ZBTB7C: variants seen among roughly 807,000 people sequenced by gnomAD.
ZBTB7C encodes the protein zinc finger and BTB domain-containing protein 7C.
Under a neutral mutation model 25.7 loss-of-function variants are expected in ZBTB7C, and 8 were observed. The ratio of observed to expected loss-of-function variants is 0.31; its 90% confidence interval spans 0.18 to 0.56. The LOEUF is 0.56. Among genes scored for constraint, ZBTB7C ranks in the 20% least tolerant of loss-of-function variants. The probability of loss-of-function intolerance (pLI) is 0.91; values close to 1 mark genes in which losing one functional copy is unlikely to be tolerated. For synonymous variants in ZBTB7C, 394 were observed against 369.0 expected, an observed-to-expected ratio of 1.07 and a Z score of -0.78; for missense variants, 824 against 855.2, an observed-to-expected ratio of 0.96 and a Z score of 0.46.
chr18:48,324,944 C>T (rs1453924581), intron 2 of ZBTB7C, among the ~76,000 whole-genome samples: 3 of 152,100 alleles, frequency 2.0e-5, no homozygotes, highest in Non-Finnish European at 2.9e-5. Flanking sequence ...GGATGTGATG[C>T]GAGAGGGTGC....
intron 2 of ZBTB7C, among the ~76,000 whole-genome samples, chr18:48,197,173 G>A (rs957698230): frequency 1.4e-4 from 22 of 152,276 alleles, no homozygotes; most frequent in Middle Eastern, 3.4e-3. Context: ...ACCATAAGAA[G>A]TCCAGTGAGC....
At chr18:48,342,495 C>A (rs1263393921) in intron 1 of ZBTB7C, among the ~76,000 whole-genome samples, 1 of 152,184 alleles carries the variant, frequency 6.6e-6, no homozygotes, top group Non-Finnish European at 1.5e-5. Flanking sequence ...ATCGCCCGAA[C>A]CCCTCCCTGG....
chr18:48,142,477 G>A (rs1427255325), intron 3 of ZBTB7C, among the ~76,000 whole-genome samples: 1 of 152,226 alleles, frequency 6.6e-6, no homozygotes, highest in Non-Finnish European at 1.5e-5. Flanking sequence ...AGGACTCCTA[G>A]CCTGGCTGGC....
chr18:48,069,064 AG>A (rs1310458121), intron 3 of ZBTB7C, among the ~76,000 whole-genome samples: 1 of 152,128 alleles, frequency 6.6e-6, no homozygotes, highest in East Asian at 1.9e-4. Flanking sequence ...CTGCTCCTGG[AG>A]GGTATGTGTG....
chr18:48,054,711 A>C (rs1191624085), intron 3 of ZBTB7C, among the ~76,000 whole-genome samples: 1 of 152,156 alleles, frequency 6.6e-6, no homozygotes, highest in African/African-American at 2.4e-5. Context: ...GGAAGCTTGC[A>C]ATTTCCAGGC....
intron 2 of ZBTB7C, among the ~76,000 whole-genome samples, chr18:48,305,553 C>A (rs1297576393): frequency 6.6e-6 from 1 of 152,146 alleles, no homozygotes; most frequent in Admixed American, 6.6e-5. Flanking sequence ...GGAGGTGATA[C>A]CCCTCCTGGG....
At chr18:48,382,961 T>A (rs553441895) in intron 1 of ZBTB7C, among the ~76,000 whole-genome samples, 4 of 152,350 alleles carry the variant, frequency 2.6e-5, no homozygotes, top group East Asian at 3.9e-4. Context: ...AACATTTTGA[T>A]TGTTGAGTAA....
At chr18:48,227,019 CAAAAAAAAA>C (rs1187830776) in intron 2 of ZBTB7C, among the ~76,000 whole-genome samples, 1 of 56,122 alleles carries the variant, frequency 1.8e-5, no homozygotes, top group Non-Finnish European at 3.7e-5. Flanking sequence ...GACTCCATCT[CAAAAAAAAA>C]AAAAAAAAAA....
At chr18:48,165,971 G>A (rs2041232105) in intron 3 of ZBTB7C, among the ~76,000 whole-genome samples, 1 of 152,186 alleles carries the variant, frequency 6.6e-6, no homozygotes, top group South Asian at 2.1e-4. Context: ...TGGCCTGCCT[G>A]TCTGGCACAC....
intron 3 of ZBTB7C, chr18:48,148,937 C>G (rs1355529063): frequency 6.6e-6 from 1 of 152,200 alleles, no homozygotes; most frequent in Non-Finnish European, 1.5e-5. Context: ...CAGCAGAAAA[C>G]TATAGCACAC....
At chr18:48,161,168 G>C (rs2041009279) in intron 3 of ZBTB7C, among the ~76,000 whole-genome samples, 1 of 151,636 alleles carries the variant, frequency 6.6e-6, no homozygotes, top group African/African-American at 2.4e-5. Flanking sequence ...GGCTGTGGGG[G>C]AGGGAGGGCC....
chr18:48,148,345 A>G (rs548256814), intron 3 of ZBTB7C: 54 of 152,264 alleles, frequency 3.5e-4, no homozygotes, highest in African/African-American at 1.3e-3. Flanking sequence ...TTCATGGAAT[A>G]TATTTATTCA....
At chr18:48,067,688 C>T (rs890285049) in intron 3 of ZBTB7C, among the ~76,000 whole-genome samples, 8 of 152,114 alleles carry the variant, frequency 5.3e-5, no homozygotes, top group South Asian at 2.1e-4. Flanking sequence ...TACAATTGCA[C>T]GAGCCAATTC....
rs529016766 is a variant in ZBTB7C, at chr18:48,072,902, T to C, written c.-16-31779A>G. Among the ~76,000 whole-genome samples the C allele has an allele frequency of 2.6e-5, 4 of 152,282 alleles. No homozygotes were observed. In the South Asian group the frequency reaches 8.3e-4, roughly 32 times the overall value. On this transcript the variant is annotated intron_variant, in intron 3 of 4. Coordinates refer to ENST00000590800, the MANE Select transcript of ZBTB7C (RefSeq NM_001318841.2). ...TGCTGGCCTTCCCGACAGAGCCACT[T>C]CCCTTTTGGGAGTGCAGCCTGGAGT...
intron 3 of ZBTB7C, among the ~76,000 whole-genome samples, chr18:48,101,059 T>A (rs1294357035): frequency 6.6e-6 from 1 of 152,062 alleles, no homozygotes; most frequent in Admixed American, 6.5e-5. Context: ...CCTCTCTGAC[T>A]CCTCCTTGCT....
intron 3 of ZBTB7C, among the ~76,000 whole-genome samples, chr18:48,108,784 G>T (rs190546421): frequency 6.6e-6 from 1 of 152,126 alleles, no homozygotes; most frequent in African/African-American, 2.4e-5. Flanking sequence ...TGTGTGGGAC[G>T]GGCCTTCTGG....
At chr18:48,151,369 C>T (rs1238379846) in intron 3 of ZBTB7C, among the ~76,000 whole-genome samples, 4 of 152,056 alleles carry the variant, frequency 2.6e-5, no homozygotes, top group Admixed American at 1.3e-4. Flanking sequence ...TGAATGACTG[C>T]CTTAGATGAG....
In ZBTB7C at chr18:48,026,967, A is replaced by T. The variant is rs939287293; in HGVS notation, c.*2293T>A. On this transcript the variant is annotated 3_prime_UTR_variant, in exon 5 of 5. Coordinates refer to ENST00000590800, the MANE Select transcript of ZBTB7C (RefSeq NM_001318841.2). The stretch of plus-strand genomic sequence containing the variant: ...TCGGCGGGATGTGGCGTGCGACCGA[A>T]GTTATGGAAGATTGTCCCTTGAATC... 1 of 152,116 alleles carries T rather than the reference A, an allele frequency of 6.6e-6. No homozygotes were observed. Among genetic ancestry groups the T allele is most frequent in the East Asian group, 1.9e-4 (1 of 5,200 alleles). The allele number at this position is 152,116 out of a possible 1,614,324, so 9.4% of individuals were successfully genotyped here.
chr18:48,316,166 T>C (rs537379772), intron 2 of ZBTB7C, among the ~76,000 whole-genome samples: 1 of 152,196 alleles, frequency 6.6e-6, no homozygotes, highest in Non-Finnish European at 1.5e-5. Context: ...ACAGACAAAA[T>C]AGAATTGGAA....
Sources: allele counts gnomAD v4.1 joint callset (sites outside exome capture counted in the v4.1 genomes callset), GRCh38; gene constraint gnomAD v4.1.1; transcripts MANE v1.5; gene names NCBI Gene and HGNC (gene_info 2026-07-23, HGNC 2026-07-21).